Variants in VPS13D observed in about 807,000 individuals in gnomAD.
The protein encoded by VPS13D is intermembrane lipid transfer protein VPS13D.
In VPS13D, 187 loss-of-function variants were observed where a neutral mutation model predicts 461.9. The ratio of observed to expected loss-of-function variants is 0.40; its 90% CI spans 0.36 to 0.46. The LOEUF (loss-of-function observed/expected upper bound fraction) is 0.46, where lower values mean the gene tolerates loss of function less well. Ranked by LOEUF, VPS13D falls within the 20% of genes least tolerant of loss-of-function variation. The pLI, the probability that VPS13D is intolerant of heterozygous loss-of-function variation, is 0.60. For missense variants in VPS13D, 4,711 were observed against 5,364.9 expected, an observed-to-expected ratio of 0.88 and a Z score of 3.81; for synonymous variants, 1,951 against 1,986.3, an observed-to-expected ratio of 0.98 and a Z score of 0.47.
At position 12,276,134 on chromosome 1, in the gene VPS13D, T is replaced by C. The variant is rs1557679869; in HGVS notation, c.2546T>C (p.Val849Ala). 6.2e-7 allele frequency: 1 copy of C among 1,614,118 alleles called. No individual in the cohort carries two copies. Among genetic ancestry groups the C allele is most frequent in the Non-Finnish European group, 8.5e-7 (1 of 1,180,022 alleles). The part of the protein sequence containing the change: ...QDIDVGPTHV[V>A]EKFNVHLQLE... ...ATTGACGTGGGACCAACACATGTGG[T>C]AGAGAAGTTCAACGTTCACCTACAG... The change falls in exon 19 of 70, where the codon GTA becomes GCA. Residue 849 changes from valine to alanine, a missense_variant. Physicochemically the swap from Val to Ala is moderately conservative, Grantham distance 64 (BLOSUM62 0). Around this residue, in one of 3 missense-constraint regions of VPS13D, gnomAD observed 4,411 missense variants for 4,937.8 expected, o/e 0.89. Coordinates refer to ENST00000620676, the MANE Select transcript of VPS13D (RefSeq NM_015378.4). This position sits in a 1 kb window ranked among gnomAD's most constrained non-coding sequence, Gnocchi z 4.5.
chr1:12,321,313 AT>A (rs1328659111), intron 32 of VPS13D, among the ~76,000 whole-genome samples: 36 of 151,572 alleles, frequency 2.4e-4, no homozygotes, highest in African/African-American at 8.8e-4. Context: ...CTGATAGGTT[AT>A]TTTGGTGTGT....
At chr1:12,322,465 C>A in intron 33 of VPS13D, 71 bp from the exon 34 acceptor site, 1 of 1,446,930 alleles carries the variant, frequency 6.9e-7, no homozygotes, top group Non-Finnish European at 9.6e-7. Flanking sequence ...ATAGGAATTA[C>A]ATCTGTAAGA....
At chr1:12,441,921 G>A (rs1645136328) in intron 65 of VPS13D, among the ~76,000 whole-genome samples, 1 of 152,018 alleles carries the variant, frequency 6.6e-6, no homozygotes, top group Non-Finnish European at 1.5e-5. Context: ...GCAATGCATA[G>A]TCCTTATACC....
At chr1:12,486,046 C>T (rs372587157) in intron 67 of VPS13D, among the ~76,000 whole-genome samples, 15 of 152,212 alleles carry the variant, frequency 9.9e-5, no homozygotes, top group Admixed American at 7.2e-4. Context: ...TACACCCAGG[C>T]GCTATGGCAA....
intron 58 of VPS13D, 119 bp downstream of exon 58, chr1:12,383,274 C>CAT: frequency 1.9e-6 from 2 of 1,076,980 alleles, no homozygotes; most frequent in Non-Finnish European, 1.3e-6. Context: ...ATGGTATCTT[C>CAT]ATCTGTAAAA....
intron 2 of VPS13D, among the ~76,000 whole-genome samples, chr1:12,237,971 C>T (rs963067973): frequency 6.6e-6 from 1 of 152,036 alleles, no homozygotes; most frequent in Non-Finnish European, 1.5e-5. Context: ...GCCTGGGCAA[C>T]ATGATGAAAC....
In VPS13D at chr1:12,400,282, C is replaced by G. The variant is rs1309660154; in HGVS notation, c.11736C>G (p.Val3912=). 1.9e-6 allele frequency: 3 copies of G among 1,614,136 alleles called. No homozygotes were observed. The part of the protein sequence containing the change: ...EVIETGPAVQ[V]NAVKFPSKSA... ...TCGAGACCGGCCCAGCTGTGCAAGT[C>G]AACGCAGTGAAGTTCCCCAGTAAGA... Residue 3912 remains valine, a synonymous_variant, in exon 61 of 70, where the codon GTC becomes GTG. Coordinates refer to ENST00000620676, the MANE Select transcript of VPS13D (RefSeq NM_015378.4).
intron 13 of VPS13D, among the ~76,000 whole-genome samples, chr1:12,265,667 G>A (rs1269855316): frequency 6.6e-6 from 1 of 152,208 alleles, no homozygotes; most frequent in Non-Finnish European, 1.5e-5. Context: ...CAAGACTTAA[G>A]TGGAGGAAGT....
intron 67 of VPS13D, among the ~76,000 whole-genome samples, chr1:12,463,604 T>C (rs887404144): frequency 6.6e-6 from 1 of 150,612 alleles, no homozygotes; most frequent in African/African-American, 2.4e-5. Context: ...AAAACAAACC[T>C]GGATATGGTG....
chr1:12,410,396 A>G (rs1644708704), intron 63 of VPS13D, among the ~76,000 whole-genome samples: 1 of 152,188 alleles, frequency 6.6e-6, no homozygotes, highest in Admixed American at 6.5e-5. Context: ...AGAAAACCCA[A>G]ACCCTGGTTG....
chr1:12,260,964 A>C lies in VPS13D; in HGVS notation c.1229A>C (p.Gln410Pro), dbSNP rs112286021. 6.2e-7 allele frequency: 1 copy of C among 1,613,848 alleles called. No individual in the cohort carries two copies. The highest frequency in any genetic ancestry group is 1.7e-5 in the Admixed American group (1 of 60,026). ...EELAESLREP[Q>P]FDSPGACPGA... ...TTGACACAGAGTCTGCGGGAGCCTC[A>C]GTTTGATTCTCCAGGAGCCTGTCCG... The change falls in exon 12 of 70, where the codon CAG (glutamine) becomes CCG (proline). Residue 410 changes from glutamine to proline, a missense_variant. This residue lies in a region of VPS13D where 4,411 missense variants were observed against 4,937.8 expected (regional missense o/e 0.89). Transcript: ENST00000620676.
chr1:12,496,435 G>A (rs1326476800), intron 67 of VPS13D, among the ~76,000 whole-genome samples: 1 of 152,140 alleles, frequency 6.6e-6, no homozygotes, highest in African/African-American at 2.4e-5. Flanking sequence ...AACCTGACTT[G>A]CCCACCAGGG....
At chr1:12,499,134 G>A (rs1646000829) in intron 68 of VPS13D, among the ~76,000 whole-genome samples, 1 of 151,872 alleles carries the variant, frequency 6.6e-6, no homozygotes, top group Admixed American at 6.6e-5. Flanking sequence ...TGGATGGGGG[G>A]TCTAGAGACC....
intron 67 of VPS13D, among the ~76,000 whole-genome samples, chr1:12,481,372 C>T (rs113102027): frequency 6.6e-6 from 1 of 152,112 alleles, no homozygotes; most frequent in Non-Finnish European, 1.5e-5. Context: ...CCTGAAAGGG[C>T]CTAGCCTCTT....
rs1230675413 is a variant in VPS13D at position 12,277,518 on chromosome 1, G to A, written c.3930G>A (p.Leu1310=). The A allele has an allele frequency of 6.2e-7, 1 of 1,614,072 alleles. No homozygotes were observed. The highest frequency in any genetic ancestry group is 2.2e-5 in the East Asian group (1 of 44,886). Residue 1310 remains leucine (L), a synonymous_variant, in exon 19 of 70, where the codon CTG becomes CTA. Transcript: ENST00000620676. ...AGTTGACGTTATCCATGGATGAACT[G>A]GAAGAAAATTTTCGAGGTATGCTGA... is the stretch of plus-strand genomic sequence containing the variant. ...LKELTLSMDE[L]EENFRGMLKS... is the part of the protein sequence containing the mutation.
At chr1:12,472,503 G>A (rs183973391) in intron 67 of VPS13D, among the ~76,000 whole-genome samples, 1 of 152,294 alleles carries the variant, frequency 6.6e-6, no homozygotes, top group African/African-American at 2.4e-5. Context: ...TGCAGTGGAG[G>A]CCACCATCCT....
intron 25 of VPS13D, among the ~76,000 whole-genome samples, chr1:12,304,294 C>T (rs2101472414): frequency 6.6e-6 from 1 of 152,314 alleles, no homozygotes; most frequent in Non-Finnish European, 1.5e-5. Flanking sequence ...TGTAACATCT[C>T]TGCTGATAAT....
chr1:12,443,863 CT>C (rs1645159187), intron 65 of VPS13D, among the ~76,000 whole-genome samples: 1 of 110,990 alleles, frequency 9.0e-6, no homozygotes, highest in Non-Finnish European at 1.9e-5. Flanking sequence ...TTTTTTTTTT[CT>C]TGAGATGGTC....
At chr1:12,379,125 G>T (rs1644239428) in intron 56 of VPS13D, among the ~76,000 whole-genome samples, 1 of 152,108 alleles carries the variant, frequency 6.6e-6, no homozygotes, top group Admixed American at 6.5e-5. Context: ...GAACAGAAAA[G>T]AATTTAGAAA....
Sources: gnomAD v4.1 joint callset for allele counts (sites outside exome capture counted in the v4.1 genomes callset) on GRCh38, gnomAD v4.1.1 for gene constraint, gnomAD v4.1.1 regional missense constraint, Gnocchi (gnomAD v3.1) non-coding constraint, MANE v1.5 for transcripts, NCBI Gene and HGNC (gene_info 2026-07-23, HGNC 2026-07-21) for gene names.